STAB2: variants seen among roughly 807,000 people sequenced by gnomAD.
The protein encoded by STAB2 is stabilin 2.
In STAB2, 288 loss-of-function variants were observed where a neutral mutation model predicts 338.1. The ratio of observed to expected loss-of-function variants is 0.85; its 90% CI spans 0.77 to 0.94. The LOEUF (loss-of-function observed/expected upper bound fraction) is 0.94, where lower values mean the gene tolerates loss of function less well. STAB2 is among the 40% of genes least tolerant of loss of function. STAB2 has a pLI of 0.00. For missense variants in STAB2, 3,141 were observed against 3,210.1 expected (o/e 0.98, Z 0.52); for synonymous variants, 1,202 against 1,193.3 (o/e 1.01, Z -0.15).
intron 63 of STAB2, among the ~76,000 whole-genome samples, chr12:103,757,362 A>G (rs967107747): frequency 1.3e-5 from 2 of 152,234 alleles, no homozygotes; most frequent in Non-Finnish European, 2.9e-5. Context: ...TGCTGGGATT[A>G]TAGGTGTGAG....
At chr12:103,730,449 T>C (rs538620165) in intron 49 of STAB2, among the ~76,000 whole-genome samples, 193 bp downstream of exon 49, 1 of 152,198 alleles carries the variant, frequency 6.6e-6, no homozygotes, top group East Asian at 1.9e-4. Context: ...GATAAGTGGG[T>C]TTTATATGTT....
rs2271639 is a variant in STAB2 at position 103,759,116 on chromosome 12, T to C, written c.7108-17T>C. 5.6e-6 allele frequency: 9 copies of C among 1,614,002 alleles called. No individual in the cohort carries two copies. The African/African-American group carries it at 6.7e-5, about 12-fold the overall frequency. On this transcript the variant is annotated splice_polypyrimidine_tract_variant and intron_variant, in intron 64 of 68. Transcript: ENST00000388887. Reference sequence around the variant, plus strand: ...TTGGCCTTTGAAGAGCATTCTGTGTTTCTCCTTTTTTCTCAGACCTTGTCT... The same window carrying C: ...TTGGCCTTTGAAGAGCATTCTGTGTCTCTCCTTTTTTCTCAGACCTTGTCT...
In STAB2 at chr12:103,740,892, C is replaced by T. The variant is rs1026397456; in HGVS notation, c.5881+136C>T. ...ATAATGATTCCCAGACCCCAGAACT[C>T]TGAAGAGTTGTGTATCATTCCTTCT... On this transcript the variant is annotated intron_variant, in intron 55 of 68. Coordinates refer to ENST00000388887, the MANE Select transcript of STAB2 (RefSeq NM_017564.10). 18 of 1,281,576 alleles carry T rather than the reference C, an allele frequency of 1.4e-5. No homozygotes were observed. In the African/African-American group the frequency reaches 2.8e-4, roughly 20 times the overall value. 79.4% of individuals were successfully genotyped at this position (1,281,576 alleles called of 1,614,324 possible). A position where few individuals can be genotyped will look rare whatever the true frequency, so the allele number is the denominator to read the frequency against.
chr12:103,629,488 G>A (rs114823436), intron 5 of STAB2, among the ~76,000 whole-genome samples: 98 of 152,338 alleles, frequency 6.4e-4, no homozygotes, highest in African/African-American at 2.2e-3. Context: ...GTCGTAGGGT[G>A]CAATAGTGGA....
intron 8 of STAB2, among the ~76,000 whole-genome samples, chr12:103,638,868 T>C (rs1957595069): frequency 6.6e-6 from 1 of 152,202 alleles, no homozygotes; most frequent in Non-Finnish European, 1.5e-5. Context: ...GAAGGAAATG[T>C]GTCCATACAG....
chr12:103,746,778 G>A, intron 58 of STAB2, 74 bp downstream of exon 58: 1 of 1,466,748 alleles, frequency 6.8e-7, no homozygotes. Context: ...ACAGTGCCTG[G>A]GCTTCATCCT....
intron 13 of STAB2, chr12:103,654,911 G>A (rs946651696): frequency 1.6e-6 from 1 of 606,696 alleles, no homozygotes; most frequent in Non-Finnish European, 2.7e-6. Flanking sequence ...ATGTGGGAAA[G>A]ATCTGGATTT....
chr12:103,731,163 C>A (rs1881609007), intron 49 of STAB2, among the ~76,000 whole-genome samples: 1 of 152,206 alleles, frequency 6.6e-6, no homozygotes, highest in African/African-American at 2.4e-5. Flanking sequence ...CTGGCTGTCA[C>A]AGCTCTGTGA....
At chr12:103,738,687 T>A (rs530064457) in intron 53 of STAB2, among the ~76,000 whole-genome samples, 1 of 152,322 alleles carries the variant, frequency 6.6e-6, no homozygotes, top group South Asian at 2.1e-4. Flanking sequence ...TCCTCATCAA[T>A]CTTCTGAAGA....
chr12:103,661,995 A>G (rs184591505), intron 17 of STAB2, among the ~76,000 whole-genome samples: 4 of 152,266 alleles, frequency 2.6e-5, no homozygotes, highest in Admixed American at 2.6e-4. Flanking sequence ...GAACTGAGGA[A>G]TGACATGATC....
At chr12:103,756,999 ATATATATATATAT>A (rs1566082367) in intron 63 of STAB2, among the ~76,000 whole-genome samples, 2 of 47,248 alleles carry the variant, frequency 4.2e-5, no homozygotes, top group African/African-American at 1.1e-4. Flanking sequence ...GAGGGAAAAT[ATATATATATATAT>A]ATATATATAT....
intron 3 of STAB2, among the ~76,000 whole-genome samples, chr12:103,613,835 C>T (rs1957168110): frequency 6.6e-6 from 1 of 152,152 alleles, no homozygotes; most frequent in Admixed American, 6.5e-5. Context: ...GAACCCTCTC[C>T]TCTTCATTTT....
chr12:103,766,091 G>A (rs1486108162), intron 68 of STAB2, 195 bp from the exon 69 acceptor site: 1 of 723,520 alleles, frequency 1.4e-6, no homozygotes. Context: ...AAGCAGGAGA[G>A]ACTAAAACAG....
chr12:103,626,209 T>A (rs539714772), intron 5 of STAB2, among the ~76,000 whole-genome samples: 1 of 152,360 alleles, frequency 6.6e-6, no homozygotes, highest in South Asian at 2.1e-4. Flanking sequence ...TAGCCACATA[T>A]GACTATTGAG....
intron 21 of STAB2, among the ~76,000 whole-genome samples, chr12:103,670,461 T>A (rs571462215): frequency 1.6e-4 from 24 of 152,282 alleles, no homozygotes; most frequent in African/African-American, 5.5e-4. Flanking sequence ...CAGTTCAGCA[T>A]TGTGATGCCC....
At position 103,690,380 on chromosome 12, in the gene STAB2, A is replaced by G. The variant is rs938124598; in HGVS notation, c.3183-44A>G. ...CTTAACTATTCAATGATACAGCCCC[A>G]TACATTTATATTGAATTATAGCCTT... On this transcript the variant is annotated intron_variant, in intron 29 of 68. Coordinates refer to ENST00000388887, the MANE Select transcript of STAB2 (RefSeq NM_017564.10). 2.7e-6 allele frequency: 4 copies of G among 1,485,358 alleles called. No homozygotes were observed. In the African/African-American group the frequency reaches 4.2e-5, roughly 15 times the overall value. The allele number at this position is 1,485,358 out of a possible 1,614,324, so 92.0% of individuals were successfully genotyped here.
chr12:103,588,270 T>G (rs977671454), intron 1 of STAB2, among the ~76,000 whole-genome samples: 1 of 152,218 alleles, frequency 6.6e-6, no homozygotes, highest in African/African-American at 2.4e-5. Flanking sequence ...AATGTTTTCA[T>G]GAAAATATGG....
At position 103,761,302 on chromosome 12, in the gene STAB2, G is replaced by A. The variant is rs764696672; in HGVS notation, c.7251G>A (p.Thr2417=). 27 of 1,613,744 alleles carry A rather than the reference G, an allele frequency of 1.7e-5. No homozygotes were observed. The highest frequency in any genetic ancestry group is 8.9e-5 in the East Asian group (4 of 44,884). The change falls in exon 66 of 69, where the codon ACG becomes ACA. Residue 2417 remains threonine, a splice_region_variant and synonymous_variant. Transcript: ENST00000388887. ...ITASQDPLQP[T]ETRFVDGRAI... ...CAACCCTCTTCTCATTTCCCTAGAC[G>A]GAGACCAGGTTTGTTGATGGAAGAG...
At chr12:103,727,422 C>A in intron 47 of STAB2, 72 bp downstream of exon 47, 7 of 1,522,862 alleles carry the variant, frequency 4.6e-6, no homozygotes, top group Non-Finnish European at 6.4e-6. Context: ...CGCCCTGGAA[C>A]CAAGACTGGA....
Sources: gnomAD v4.1 joint callset for allele counts (sites outside exome capture counted in the v4.1 genomes callset) on GRCh38, gnomAD v4.1.1 for gene constraint, MANE v1.5 for transcripts, NCBI Gene and HGNC (gene_info 2026-07-23, HGNC 2026-07-21) for gene names.